The following DYNC2I2 variants were observed in gnomAD, a reference collection of about 807,000 sequenced individuals.
DYNC2I2 encodes the protein dynein 2 intermediate chain 2.
DYNC2I2 carries 39 observed loss-of-function variants against 52.0 expected under a neutral mutation model. The ratio of observed to expected loss-of-function variants is 0.75; its 90% CI spans 0.58 to 0.98. The LOEUF (loss-of-function observed/expected upper bound fraction) is 0.98. Among genes scored for constraint, DYNC2I2 ranks in the 50% least tolerant of loss-of-function variants. DYNC2I2 has a pLI of 0.00. For missense variants in DYNC2I2, 743 were observed against 728.4 expected, an observed-to-expected ratio of 1.02 and a Z score of -0.23; for synonymous variants, 359 against 321.1, an observed-to-expected ratio of 1.12 and a Z score of -1.26.
At position 128,635,739 on chromosome 9, in the gene DYNC2I2, C is replaced by T; in HGVS notation, c.732G>A (p.Val244=). The T allele has an allele frequency of 6.2e-7, 1 of 1,613,120 alleles. No individual in the cohort carries two copies. The highest frequency in any genetic ancestry group is 8.5e-7 in the Non-Finnish European group (1 of 1,179,588). The part of the protein sequence containing the change: ...AGGLYSGEVL[V]WDLSRLEDPL... ...GGTCCTCAAGACGGCTCAGGTCCCA[C>T]ACCAACACCTCACCACTGTACAGCC... The change falls in exon 5 of 9, where the codon GTG becomes GTA. Residue 244 remains valine (V), a synonymous_variant. Transcript: ENST00000372715.
intron 2 of DYNC2I2, among the ~76,000 whole-genome samples, chr9:128,639,742 T>C (rs939699705): frequency 2.0e-5 from 3 of 152,150 alleles, no homozygotes; most frequent in Admixed American, 6.6e-5. Flanking sequence ...CTCAGCTCAC[T>C]GCAAGCTCCG....
At position 128,640,996 on chromosome 9, in the gene DYNC2I2, C is replaced by T. The variant is rs181799775; in HGVS notation, c.187-57G>A. 2.0e-5 allele frequency: 30 copies of T among 1,517,568 alleles called. No homozygotes were observed. In the African/African-American group the frequency reaches 3.6e-4, roughly 18 times the overall value. The allele number at this position is 1,517,568 out of a possible 1,614,324, so 94.0% of individuals were successfully genotyped here. ...CCAGCTGTCCTCGCACAGCCCCCAC[C>T]CAGCCCCCTGCCTGCCCCTCCTGCT... is the stretch of plus-strand genomic sequence containing the variant. On this transcript the variant is annotated intron_variant, in intron 1 of 8. Coordinates refer to ENST00000372715, the MANE Select transcript of DYNC2I2 (RefSeq NM_052844.4).
intron 2 of DYNC2I2, among the ~76,000 whole-genome samples, chr9:128,637,360 G>A (rs902254719): frequency 2.6e-5 from 4 of 152,242 alleles, no homozygotes; most frequent in African/African-American, 4.8e-5. Context: ...TGCCCAACGC[G>A]GCCAAGTACA....
Position 128,634,747 on chromosome 9 carries a change from A to G in DYNC2I2, c.1156T>C (p.Phe386Leu). 6.2e-7 allele frequency: 1 copy of G among 1,602,304 alleles called. No individual in the cohort carries two copies. The highest frequency in any genetic ancestry group is 8.5e-7 in the Non-Finnish European group (1 of 1,175,038). Reference protein sequence around the residue: ...SSVPLRAPAQFTFSPHGGPIY... With the variant: ...SSVPLRAPAQLTFSPHGGPIY... The stretch of plus-strand genomic sequence containing the variant: ...GGACCGCCGTGGGGGGAGAAGGTAA[A>G]CTGTGCTGGGGCCCGCAGGGGCACG... Residue 386 changes from phenylalanine (F) to leucine (L), a missense_variant, in exon 7 of 9, where the codon TTT (phenylalanine) becomes CTT (leucine). Transcript: ENST00000372715.
In DYNC2I2 at chr9:128,635,231, C is replaced by T. The variant is rs746568024; in HGVS notation, c.842G>A (p.Ser281Asn). Residue 281 changes from serine to asparagine, a missense_variant, in exon 6 of 9, where the codon AGC (serine) becomes AAC (asparagine). By Grantham distance (46) the Ser-to-Asn change is conservative. Transcript: ENST00000372715. ...QVVWLPEPGH[S>N]HRFQVLSVAT... ...CACACTCAGCACCTGGAAGCGGTGGCTGTGCCCAGGCTCGGGCAGCCACAC... is the reference window on the plus strand; with the variant it reads ...CACACTCAGCACCTGGAAGCGGTGGTTGTGCCCAGGCTCGGGCAGCCACAC... 20 of 1,612,826 alleles carry T rather than the reference C, an allele frequency of 1.2e-5. No homozygotes were observed. The highest frequency in any genetic ancestry group is 1.6e-5 in the Non-Finnish European group (19 of 1,179,878).
chr9:128,680,033 T>C, the DYNC2I2 span, among the ~76,000 whole-genome samples: 1 of 152,028 alleles, frequency 6.6e-6, no homozygotes, highest in African/African-American at 2.4e-5. Flanking sequence ...CATGCTAATT[T>C]TGCCTGTTTT....
the DYNC2I2 span, among the ~76,000 whole-genome samples, chr9:128,676,159 C>A: frequency 2.0e-5 from 3 of 151,954 alleles, no homozygotes; most frequent in Admixed American, 6.6e-5. Flanking sequence ...TAAACCAAGA[C>A]CCTGTCTCAA....
chr9:128,636,071 G>T, intron 4 of DYNC2I2: 1 of 852,764 alleles, frequency 1.2e-6, no homozygotes, highest in Non-Finnish European at 1.9e-6. Flanking sequence ...CCCTGTCCTG[G>T]CCCCGACCCT....
chr9:128,656,546 C>G lies in DYNC2I2; in HGVS notation c.181G>C (p.Glu61Gln). The G allele has an allele frequency of 7.0e-7, 1 of 1,420,332 alleles. No homozygotes were observed. Among genetic ancestry groups the G allele is most frequent in the Non-Finnish European group, 9.2e-7 (1 of 1,089,918 alleles). The allele number at this position is 1,420,332 out of a possible 1,614,324, so 88.0% of individuals were successfully genotyped here. ...CGCGGGGCCCGCGCCCTCACCGTCT[C>G]CCAGCGGATGCCCTGGACGGCCCTC... Reference protein sequence around the residue: ...QWRAVQGIRWETKSCQTASIA... With the variant: ...QWRAVQGIRWQTKSCQTASIA... The change falls in exon 1 of 9, where the codon GAG (glutamate) becomes CAG (glutamine). Residue 61 changes from glutamate to glutamine, a missense_variant. Physicochemically the swap from Glu to Gln is conservative, Grantham distance 29. Coordinates refer to ENST00000372715, the MANE Select transcript of DYNC2I2 (RefSeq NM_052844.4).
chr9:128,672,494 T>A, the DYNC2I2 span, among the ~76,000 whole-genome samples: 1 of 149,648 alleles, frequency 6.7e-6, no homozygotes, highest in African/African-American at 2.5e-5. Context: ...ACACTGACCC[T>A]GTCTCTAAAA....
the DYNC2I2 span, among the ~76,000 whole-genome samples, chr9:128,678,794 G>T: frequency 1.3e-5 from 2 of 151,856 alleles, no homozygotes; most frequent in Non-Finnish European, 2.9e-5. Flanking sequence ...AGAGGGCCAG[G>T]CGTGGTGGCT....
upstream of DYNC2I2, among the ~76,000 whole-genome samples, chr9:128,660,782 T>G (rs1860908612): frequency 6.6e-6 from 1 of 151,964 alleles, no homozygotes; most frequent in Non-Finnish European, 1.5e-5. Flanking sequence ...CAGGCTCAAG[T>G]GTAGTGGCAC....
At chr9:128,663,817 T>A in the DYNC2I2 span, among the ~76,000 whole-genome samples, 2 of 151,490 alleles carry the variant, frequency 1.3e-5, no homozygotes, top group African/African-American at 4.8e-5. Flanking sequence ...CATGCCCAGT[T>A]AATTTTTTGT....
At chr9:128,664,326 T>C in the DYNC2I2 span, among the ~76,000 whole-genome samples, 1 of 151,952 alleles carries the variant, frequency 6.6e-6, no homozygotes, top group Non-Finnish European at 1.5e-5. Context: ...AAAAGCCAAC[T>C]CATTAGGGAA....
In DYNC2I2 at chr9:128,647,513, A is replaced by G. The variant is rs188560811; in HGVS notation, c.187-6574T>C. On this transcript the variant is annotated intron_variant, in intron 1 of 8. Transcript: ENST00000372715. ...GACTTTGGGAGGCCAAGGCGGGTGG[A>G]TCACGAGGTCAGGAGATCGAGACCA... is the stretch of plus-strand genomic sequence containing the variant. 9.2e-5 allele frequency among the ~76,000 whole-genome samples: 14 copies of G among 152,252 alleles called. No homozygotes were observed. The East Asian group carries it at 2.1e-3, about 23-fold the overall frequency.
At chr9:128,658,619 G>A (rs1016490853), upstream of DYNC2I2, among the ~76,000 whole-genome samples, 3 of 151,268 alleles carry the variant, frequency 2.0e-5, no homozygotes, top group African/African-American at 4.9e-5. Flanking sequence ...CCGCCACCAC[G>A]CCTGGCCAAT....
the DYNC2I2 span, among the ~76,000 whole-genome samples, chr9:128,673,751 C>T: frequency 1.3e-5 from 2 of 151,730 alleles, no homozygotes; most frequent in African/African-American, 2.4e-5. Flanking sequence ...CGTGATCCGC[C>T]CCCCTAGGCC....
chr9:128,635,087 C>G lies in DYNC2I2; in HGVS notation c.981+5G>C. On this transcript the variant is annotated splice_donor_5th_base_variant and intron_variant, in intron 6 of 8. Transcript: ENST00000372715. ...GGCCAGGGCAGTTTCCGGGTGCCCA[C>G]GTACCTTCTTGAGCTTGGTGCTCCG... The G allele has an allele frequency of 6.2e-7, 1 of 1,607,466 alleles. No individual in the cohort carries two copies. The highest frequency in any genetic ancestry group is 1.1e-5 in the South Asian group (1 of 90,608).
At chr9:128,654,947 G>T (rs1173936822) in intron 1 of DYNC2I2, among the ~76,000 whole-genome samples, 2 of 152,036 alleles carry the variant, frequency 1.3e-5, no homozygotes, top group East Asian at 3.9e-4. Context: ...TAAATATACT[G>T]TTAATGTTAC....
Sources: allele counts gnomAD v4.1 joint callset (sites outside exome capture counted in the v4.1 genomes callset), GRCh38; gene constraint gnomAD v4.1.1; transcripts MANE v1.5; gene names NCBI Gene and HGNC (gene_info 2026-07-23, HGNC 2026-07-21).